The following NWD2 variants were observed in gnomAD, a reference collection of about 807,000 sequenced individuals.
NWD2 encodes NACHT and WD repeat domain containing 2, also known as NACHT and WD repeat domain-containing protein 2.
Under a neutral mutation model 132.7 loss-of-function variants are expected in NWD2, and 37 were observed. The ratio of observed to expected loss-of-function variants is 0.28; its 90% CI spans 0.21 to 0.37. The LOEUF (loss-of-function observed/expected upper bound fraction) is 0.37. NWD2 is among the 10% of genes least tolerant of loss of function. The pLI is 1.00. For missense variants in NWD2, 1,592 were observed against 2,122.4 expected (o/e 0.75, Z 4.91); for synonymous variants, 705 against 803.0 (o/e 0.88, Z 2.06).
intron 3 of NWD2, among the ~76,000 whole-genome samples, chr4:37,408,609 G>T (rs1721092746): frequency 6.6e-6 from 1 of 152,204 alleles, no homozygotes; most frequent in Non-Finnish European, 1.5e-5. Flanking sequence ...AGCTTCAACA[G>T]ACTTAAACGT....
At chr4:37,405,368 T>A (rs751913344) in intron 3 of NWD2, among the ~76,000 whole-genome samples, 104 of 152,046 alleles carry the variant, frequency 6.8e-4, no homozygotes, top group Non-Finnish European at 1.2e-4. Context: ...TAATAGTAGA[T>A]CAATAAATCA....
chr4:37,344,357 T>A (rs769445491), intron 2 of NWD2, among the ~76,000 whole-genome samples: 2 of 152,038 alleles, frequency 1.3e-5, no homozygotes, highest in African/African-American at 2.4e-5. Context: ...TTTTTCATCA[T>A]TTTTTTCCCA....
chr4:37,255,780 T>G (rs934878214), intron 1 of NWD2, among the ~76,000 whole-genome samples: 1 of 151,952 alleles, frequency 6.6e-6, no homozygotes, highest in Non-Finnish European at 1.5e-5. Context: ...GCAGCCTGAG[T>G]GATATGACCC....
chr4:37,389,431 G>A lies in NWD2; in HGVS notation c.357+32949G>A, dbSNP rs181262073. Among the ~76,000 whole-genome samples, 23 of 152,290 alleles carry A rather than the reference G, an allele frequency of 1.5e-4. 2 individuals carry two copies. Among genetic ancestry groups the A allele is most frequent in the African/African-American group, 4.6e-4 (19 of 41,556 alleles). ...TCAATATTTTACAGTTTATCATAGC[G>A]AGAAGCAAGAGCCCAACACCTTTGG... On this transcript the variant is annotated intron_variant, in intron 3 of 6. Transcript: ENST00000309447.
chr4:37,339,548 CAA>C (rs1478488957), intron 2 of NWD2, among the ~76,000 whole-genome samples: 3 of 152,164 alleles, frequency 2.0e-5, no homozygotes, highest in Non-Finnish European at 2.9e-5. Flanking sequence ...GAAAATTACC[CAA>C]GAGGATTGAT....
At chr4:37,334,659 G>A (rs930252377) in intron 2 of NWD2, among the ~76,000 whole-genome samples, 1 of 152,176 alleles carries the variant, frequency 6.6e-6, no homozygotes, top group African/African-American at 2.4e-5. Flanking sequence ...AGTTAGGACA[G>A]GGACCTCTAA....
At chr4:37,336,884 G>A (rs147541045) in intron 2 of NWD2, among the ~76,000 whole-genome samples, 1,501 of 150,082 alleles carry the variant, frequency 0.01, 11 homozygotes, top group African/African-American at 0.025. Flanking sequence ...GGTTGCAGTG[G>A]GCCGAGATCA....
chr4:37,302,912 TTACTC>T (rs1344241259), intron 1 of NWD2, among the ~76,000 whole-genome samples: 1 of 152,196 alleles, frequency 6.6e-6, no homozygotes, highest in Non-Finnish European at 1.5e-5. Flanking sequence ...GGTAGTCTCT[TTACTC>T]TGTTGATTTA....
intron 2 of NWD2, among the ~76,000 whole-genome samples, chr4:37,345,762 A>G (rs1719621424): frequency 6.6e-6 from 1 of 152,058 alleles, no homozygotes; most frequent in African/African-American, 2.4e-5. Flanking sequence ...ATATCCAATA[A>G]ACTATTGTTG....
At chr4:37,272,257 G>A (rs190061577) in intron 1 of NWD2, among the ~76,000 whole-genome samples, 2 of 151,698 alleles carry the variant, frequency 1.3e-5, no homozygotes, top group African/African-American at 4.8e-5. Context: ...ATATTGTTCT[G>A]TAGTTTTCTC....
chr4:37,403,090 G>T (rs1368087536), intron 3 of NWD2, among the ~76,000 whole-genome samples: 1 of 152,078 alleles, frequency 6.6e-6, no homozygotes, highest in Non-Finnish European at 1.5e-5. Flanking sequence ...GTGTGGAGAA[G>T]ATTTCTAAGC....
At position 37,418,794 on chromosome 4, in the gene NWD2, C is replaced by T. The variant is rs531324580; in HGVS notation, c.358-11778C>T. Among the ~76,000 whole-genome samples, 72 of 152,116 alleles carry T rather than the reference C, an allele frequency of 4.7e-4. No homozygotes were observed. The East Asian group carries it at 4.8e-3, about 10-fold the overall frequency. On this transcript the variant is annotated intron_variant, in intron 3 of 6. Transcript: ENST00000309447. ...TACATTCTCACCAACAGTGTAAAAG[C>T]GTTCCTATTTCTCCACATCCTCTCC...
intron 1 of NWD2, among the ~76,000 whole-genome samples, chr4:37,303,221 G>C (rs1227984085): frequency 6.6e-6 from 1 of 152,028 alleles, no homozygotes; most frequent in Non-Finnish European, 1.5e-5. Flanking sequence ...TTTCCCCATT[G>C]TATGTTCTGT....
At chr4:37,305,554 G>T (rs1718695263) in intron 1 of NWD2, among the ~76,000 whole-genome samples, 1 of 152,188 alleles carries the variant, frequency 6.6e-6, no homozygotes. Context: ...TATCATAAAA[G>T]ATGTTGAATT....
At chr4:37,335,230 G>A (rs1044940858) in intron 2 of NWD2, among the ~76,000 whole-genome samples, 6 of 136,056 alleles carry the variant, frequency 4.4e-5, no homozygotes, top group East Asian at 4.3e-4. Flanking sequence ...ACTACATTTG[G>A]TTCACCAGAT....
At chr4:37,372,123 T>A (rs866978141) in intron 3 of NWD2, among the ~76,000 whole-genome samples, 34 of 152,214 alleles carry the variant, frequency 2.2e-4, no homozygotes, top group Admixed American at 4.6e-4. Flanking sequence ...AAGTACCTTT[T>A]TATTTGTATT....
intron 2 of NWD2, among the ~76,000 whole-genome samples, chr4:37,339,837 C>T (rs1305796065): frequency 2.6e-5 from 4 of 152,130 alleles, no homozygotes; most frequent in South Asian, 2.1e-4. Flanking sequence ...ACCCTCCCAT[C>T]CTCCCACCAT....
intron 3 of NWD2, among the ~76,000 whole-genome samples, chr4:37,398,834 A>G (rs1409272752): frequency 1.3e-5 from 2 of 152,116 alleles, no homozygotes; most frequent in African/African-American, 2.4e-5. Flanking sequence ...TTTTTTTTCC[A>G]CATTAAAAGA....
chr4:37,341,051 G>A (rs1238032845), intron 2 of NWD2, among the ~76,000 whole-genome samples: 1 of 152,154 alleles, frequency 6.6e-6, no homozygotes, highest in African/African-American at 2.4e-5. Context: ...CCAGACGATG[G>A]TTTGACTTAC....
Sources: gnomAD v4.1 joint callset for allele counts (sites outside exome capture counted in the v4.1 genomes callset) on GRCh38, gnomAD v4.1.1 for gene constraint, MANE v1.5 for transcripts, NCBI Gene and HGNC (gene_info 2026-07-23, HGNC 2026-07-21) for gene names.